MAPRE3: variants seen among roughly 807,000 people sequenced by gnomAD.
MAPRE3 encodes microtubule associated protein RP/EB family member 3.
Under a neutral mutation model 30.5 loss-of-function variants are expected in MAPRE3, and 2 were observed. That is an observed-to-expected ratio of 0.07 (90% CI 0.03 to 0.21). The LOEUF is 0.21. Ranked by LOEUF, MAPRE3 falls within the 10% of genes least tolerant of loss-of-function variation. MAPRE3 has a pLI of 1.00. For synonymous variants in MAPRE3, 110 were observed against 127.7 expected (o/e 0.86, Z 0.93); for missense variants, 204 against 351.8 (o/e 0.58, Z 3.36).
rs370732499 is a variant in MAPRE3 at position 26,995,677 on chromosome 2, T to G, written c.-8+24875T>G. On this transcript the variant is annotated intron_variant, in intron 1 of 6. Coordinates refer to ENST00000233121, the MANE Select transcript of MAPRE3 (RefSeq NM_012326.4). Reference sequence around the variant, plus strand: ...ATAAATGGAGGAGGAAGGGATAGCTTTTCCTTTATGATGGAGTTAAAAGTT... The same window carrying G: ...ATAAATGGAGGAGGAAGGGATAGCTGTTCCTTTATGATGGAGTTAAAAGTT... 6 of 152,116 alleles carry G rather than the reference T, an allele frequency of 3.9e-5. No individual in the cohort carries two copies. The East Asian group carries it at 5.8e-4, about 15-fold the overall frequency. The allele number at this position is 152,116 out of a possible 1,614,324, so 9.4% of individuals were successfully genotyped here.
chr2:27,000,359 C>A (rs1414254561), intron 1 of MAPRE3, among the ~76,000 whole-genome samples: 1 of 152,128 alleles, frequency 6.6e-6, no homozygotes, highest in African/African-American at 2.4e-5. Flanking sequence ...ACAAGGCAGG[C>A]TCCTGTGAGA....
chr2:27,007,380 T>G (rs1666754612), intron 1 of MAPRE3, among the ~76,000 whole-genome samples: 1 of 152,272 alleles, frequency 6.6e-6, no homozygotes. Flanking sequence ...TTAGCCCGGA[T>G]TCTTCTTAAT....
At chr2:26,989,072 T>A (rs1666275704) in intron 1 of MAPRE3, among the ~76,000 whole-genome samples, 1 of 152,186 alleles carries the variant, frequency 6.6e-6, no homozygotes, top group South Asian at 2.1e-4. Context: ...CCTCAGCTTT[T>A]TCATAATAGC....
chr2:26,987,718 A>G (rs1666253310), intron 1 of MAPRE3, among the ~76,000 whole-genome samples: 1 of 152,200 alleles, frequency 6.6e-6, no homozygotes, highest in African/African-American at 2.4e-5. Context: ...AGATCTGACA[A>G]TCAATAAAGG....
chr2:27,003,705 G>A (rs1251684184), intron 1 of MAPRE3, among the ~76,000 whole-genome samples: 2 of 152,224 alleles, frequency 1.3e-5, no homozygotes, highest in Non-Finnish European at 2.9e-5. Flanking sequence ...TTCCCCATGA[G>A]AGGGTGCTGC....
chr2:27,000,920 A>C (rs950460648), intron 1 of MAPRE3, among the ~76,000 whole-genome samples: 1 of 152,250 alleles, frequency 6.6e-6, no homozygotes, highest in Non-Finnish European at 1.5e-5. Flanking sequence ...TTATTTATCT[A>C]CCTTGTTTTA....
intron 1 of MAPRE3, among the ~76,000 whole-genome samples, chr2:27,005,978 C>T (rs1185994477): frequency 2.6e-5 from 4 of 152,036 alleles, no homozygotes; most frequent in Admixed American, 6.6e-5. Context: ...GTCAGGAGAT[C>T]GAGATCATCC....
chr2:27,001,691 TAC>T (rs1188717274), intron 1 of MAPRE3, among the ~76,000 whole-genome samples: 1 of 152,202 alleles, frequency 6.6e-6, no homozygotes, highest in Admixed American at 6.5e-5. Flanking sequence ...AATGCATATA[TAC>T]ACACATACGT....
At chr2:27,006,783 A>G (rs572907617) in intron 1 of MAPRE3, among the ~76,000 whole-genome samples, 4 of 152,280 alleles carry the variant, frequency 2.6e-5, no homozygotes, top group East Asian at 1.9e-4. Flanking sequence ...AGAAACCCCA[A>G]TGAAAGGCAA....
chr2:26,998,881 G>A (rs1203222493), intron 1 of MAPRE3, among the ~76,000 whole-genome samples: 3 of 152,306 alleles, frequency 2.0e-5, no homozygotes, highest in African/African-American at 7.2e-5. Context: ...TGTTTTTTAA[G>A]ATACAAATGC....
chr2:26,997,558 G>C (rs1194048312), intron 1 of MAPRE3, among the ~76,000 whole-genome samples: 3 of 152,026 alleles, frequency 2.0e-5, no homozygotes, highest in Non-Finnish European at 4.4e-5. Context: ...AGGATCTGGT[G>C]CCGCCGCTGA....
chr2:27,008,274 A>C (rs1236183303), intron 1 of MAPRE3, among the ~76,000 whole-genome samples: 1 of 152,182 alleles, frequency 6.6e-6, no homozygotes, highest in Non-Finnish European at 1.5e-5. Flanking sequence ...TTTTAGTGAT[A>C]GCGTAAATGC....
chr2:27,004,847 C>T (rs983628490), intron 1 of MAPRE3, among the ~76,000 whole-genome samples: 10 of 151,288 alleles, frequency 6.6e-5, no homozygotes, highest in Admixed American at 3.3e-4. Context: ...GCAGGATTTC[C>T]GGATGTTTGT....
chr2:27,004,174 A>T (rs887811189), intron 1 of MAPRE3, among the ~76,000 whole-genome samples: 1 of 152,152 alleles, frequency 6.6e-6, no homozygotes, highest in African/African-American at 2.4e-5. Flanking sequence ...CATGCCTGGG[A>T]GGTCGTGAGA....
At position 27,026,687 on chromosome 2, in the gene MAPRE3, A is replaced by C; in HGVS notation, c.*339A>C. On this transcript the variant is annotated 3_prime_UTR_variant, in exon 7 of 7. Coordinates refer to ENST00000233121, the MANE Select transcript of MAPRE3 (RefSeq NM_012326.4). ...ACAGCCAGCAGCTGTGTATTTGACA[A>C]AGTCATTGGTATATTTTTACTTACT... 1 of 277,298 alleles carries C rather than the reference A, an allele frequency of 3.6e-6. No individual in the cohort carries two copies. The highest frequency in any genetic ancestry group is 6.7e-6 in the Non-Finnish European group (1 of 149,204). 17.2% of individuals were successfully genotyped at this position (277,298 alleles called of 1,614,324 possible).
intron 1 of MAPRE3, chr2:27,012,942 C>G (rs901438985): frequency 6.5e-6 from 1 of 152,692 alleles, no homozygotes; most frequent in Non-Finnish European, 1.5e-5. Flanking sequence ...AAACAATTCA[C>G]AGGATGCAGA....
chr2:27,026,035 G>A lies in MAPRE3; in HGVS notation c.777+3G>A, dbSNP rs779642815. 4 of 1,614,124 alleles carry A rather than the reference G, an allele frequency of 2.5e-6. No homozygotes were observed. The highest frequency in any genetic ancestry group is 2.2e-5 in the East Asian group (1 of 44,878). The stretch of plus-strand genomic sequence containing the variant: ...TTGGCATCCTCTATGCCACAGAGGT[G>A]AGCACTCCCAGGCCCATTGGGCCCT... On this transcript the variant is annotated splice_donor_region_variant and intron_variant, in intron 6 of 6. Transcript: ENST00000233121.
intron 1 of MAPRE3, chr2:27,013,006 G>C (rs199609869): frequency 6.6e-6 from 1 of 152,590 alleles, no homozygotes; most frequent in East Asian, 1.9e-4. Flanking sequence ...CTATAAGCCA[G>C]ACAGTCCAAA....
At chr2:27,001,753 A>C (rs1666604260) in intron 1 of MAPRE3, among the ~76,000 whole-genome samples, 1 of 152,254 alleles carries the variant, frequency 6.6e-6, no homozygotes, top group African/African-American at 2.4e-5. Flanking sequence ...CAGTAAAAAT[A>C]CAGCATAATC....
Sources: allele counts gnomAD v4.1 joint callset (sites outside exome capture counted in the v4.1 genomes callset), GRCh38; gene constraint gnomAD v4.1.1; transcripts MANE v1.5; gene names NCBI Gene and HGNC (gene_info 2026-07-23, HGNC 2026-07-21).